WDFY3: variants seen among roughly 807,000 people sequenced by gnomAD.
WDFY3 encodes the protein WD repeat and FYVE domain-containing protein 3.
A neutral mutation model predicts 409.6 loss-of-function variants in WDFY3; 66 were observed. That is an observed-to-expected ratio of 0.16 (90% CI 0.13 to 0.20). The LOEUF (loss-of-function observed/expected upper bound fraction) is 0.20, where lower values mean the gene tolerates loss of function less well. WDFY3 is among the 10% of genes least tolerant of loss of function. The probability of loss-of-function intolerance (pLI) is 1.00; values close to 1 mark genes in which losing one functional copy is unlikely to be tolerated. For synonymous variants in WDFY3, 1,521 were observed against 1,537.1 expected, an observed-to-expected ratio of 0.99 and a Z score of 0.25; for missense variants, 3,031 against 4,298.1, an observed-to-expected ratio of 0.71 and a Z score of 8.24.
intron 25 of WDFY3, among the ~76,000 whole-genome samples, chr4:84,780,590 C>A (rs1019723854): frequency 1.3e-5 from 2 of 151,760 alleles, no homozygotes; most frequent in Admixed American, 6.6e-5. Flanking sequence ...AACCCCAAAC[C>A]CCGTCTCTAC....
rs1275853126 is a variant in WDFY3, at chr4:84,672,835, C to T, written c.*33G>A. On this transcript the variant is annotated 3_prime_UTR_variant, in exon 68 of 68. Coordinates refer to ENST00000295888, the MANE Select transcript of WDFY3 (RefSeq NM_014991.6). ...GACAGGAGAATCGGGAAGGGGTCTACAGACCATGGTCTCCACTCAGCTTGT... is the reference window on the plus strand; with the variant it reads ...GACAGGAGAATCGGGAAGGGGTCTATAGACCATGGTCTCCACTCAGCTTGT... The T allele has an allele frequency of 2.5e-6, 4 of 1,613,132 alleles. No individual in the cohort carries two copies. Among genetic ancestry groups the T allele is most frequent in the Middle Eastern group, 1.7e-4 (1 of 6,048 alleles).
Position 84,810,170 on chromosome 4 carries a change from C to T in WDFY3, c.2062G>A (p.Val688Met). ...QNQVFELLHT[V>M]FCTLTAAMRY... ...ATTGCTGCAGTCAACGTGCAGAACA[C>T]AGTGTGAAGAAGTTCAAACACTTGA... The change falls in exon 14 of 68, where the codon GTG (valine) becomes ATG (methionine). Residue 688 changes from valine to methionine, a missense_variant. Transcript: ENST00000295888. 6.2e-7 allele frequency: 1 copy of T among 1,614,136 alleles called. No individual in the cohort carries two copies. Among genetic ancestry groups the T allele is most frequent in the Non-Finnish European group, 8.5e-7 (1 of 1,179,988 alleles).
At chr4:84,779,537 G>C (rs1746150978) in intron 26 of WDFY3, among the ~76,000 whole-genome samples, 1 of 151,800 alleles carries the variant, frequency 6.6e-6, no homozygotes, top group Non-Finnish European at 1.5e-5. Flanking sequence ...CTCAGCCTCT[G>C]AAGTAGCTGG....
intron 47 of WDFY3, among the ~76,000 whole-genome samples, chr4:84,720,195 A>G (rs554986432): frequency 4.6e-5 from 7 of 152,318 alleles, no homozygotes; most frequent in African/African-American, 1.7e-4. Flanking sequence ...ACGAGAAAGA[A>G]AGATACTGGA....
At chr4:84,820,582 T>C (rs1461073855) in intron 11 of WDFY3, among the ~76,000 whole-genome samples, 1 of 152,090 alleles carries the variant, frequency 6.6e-6, no homozygotes, top group African/African-American at 2.4e-5. Context: ...CATTTAATAC[T>C]TATTAATTGC....
At chr4:84,716,820 A>AAAAAT (rs1012487182) in intron 49 of WDFY3, 76 bp downstream of exon 49, 2 of 1,240,662 alleles carry the variant, frequency 1.6e-6, no homozygotes, top group South Asian at 5.2e-5. Flanking sequence ...ATAAAAAATA[A>AAAAAT]AAAATAAAAT....
chr4:84,813,199 T>G lies in WDFY3; in HGVS notation c.1888-2855A>C, dbSNP rs193177027. ...GGAGGCACTAAGAAGCAATTCTGAA[T>G]GAAGTAAAAATGGAAATTGAAACTG... On this transcript the variant is annotated intron_variant, in intron 13 of 67. Coordinates refer to ENST00000295888, the MANE Select transcript of WDFY3 (RefSeq NM_014991.6). Among the ~76,000 whole-genome samples the G allele has an allele frequency of 2.8e-3, 432 of 152,262 alleles. 2 individuals are homozygous for G. The highest frequency in any genetic ancestry group is 9.9e-3 in the African/African-American group (412 of 41,548).
intron 1 of WDFY3, among the ~76,000 whole-genome samples, chr4:84,963,011 C>T (rs1465987521): frequency 6.6e-6 from 1 of 151,590 alleles, no homozygotes; most frequent in Non-Finnish European, 1.5e-5. Context: ...ATGATAAATA[C>T]ACCACACACA....
At chr4:84,795,682 A>G (rs1236267703) in intron 19 of WDFY3, among the ~76,000 whole-genome samples, 1 of 152,126 alleles carries the variant, frequency 6.6e-6, no homozygotes, top group Non-Finnish European at 1.5e-5. Context: ...GAAATGCTTG[A>G]ACCTGAGAGG....
chr4:84,866,713 T>C (rs1347392964), intron 3 of WDFY3, among the ~76,000 whole-genome samples: 1 of 152,170 alleles, frequency 6.6e-6, no homozygotes, highest in African/African-American at 2.4e-5. Context: ...TTGGGCCCAC[T>C]CCCACCCTGT....
intron 46 of WDFY3, among the ~76,000 whole-genome samples, chr4:84,722,673 T>G (rs868363723): frequency 6.6e-6 from 1 of 152,208 alleles, no homozygotes; most frequent in Non-Finnish European, 1.5e-5. Flanking sequence ...ACCCAAAGTA[T>G]GAGAAGTCCT....
chr4:84,912,024 C>T (rs552020897), intron 2 of WDFY3, among the ~76,000 whole-genome samples: 3 of 152,288 alleles, frequency 2.0e-5, no homozygotes, highest in South Asian at 4.1e-4. Context: ...CTGTGCGATG[C>T]TAATTATCTC....
intron 56 of WDFY3, among the ~76,000 whole-genome samples, chr4:84,699,209 G>A (rs998695556): frequency 3.3e-5 from 5 of 151,778 alleles, no homozygotes; most frequent in African/African-American, 1.2e-4. Flanking sequence ...TTAATCAGTA[G>A]CTGCCCGTAT....
intron 2 of WDFY3, among the ~76,000 whole-genome samples, chr4:84,925,186 C>T (rs373060871): frequency 1.3e-5 from 2 of 152,158 alleles, no homozygotes; most frequent in African/African-American, 4.8e-5. Context: ...TAAGCATTTC[C>T]TTTAACCTCT....
Position 84,733,118 on chromosome 4 carries a change from A to G in WDFY3, c.7221+264T>C, listed in dbSNP as rs1736877734. Reference sequence around the variant, plus strand: ...GTTTAATGACCCATAACCCAGCTATAATAGCAAAGTGGCAGAGTCAGGTCT... The same window carrying G: ...GTTTAATGACCCATAACCCAGCTATGATAGCAAAGTGGCAGAGTCAGGTCT... On this transcript the variant is annotated intron_variant, in intron 44 of 67. Transcript: ENST00000295888. Among the ~76,000 whole-genome samples, 3 of 152,200 alleles carry G rather than the reference A, an allele frequency of 2.0e-5. No homozygotes were observed. In the South Asian group the frequency reaches 6.2e-4, roughly 31 times the overall value.
chr4:84,840,653 C>T (rs1271638537), intron 6 of WDFY3, among the ~76,000 whole-genome samples: 5 of 152,084 alleles, frequency 3.3e-5, no homozygotes, highest in Non-Finnish European at 5.9e-5. Context: ...TTATGGCTCA[C>T]TGCAGCCTCA....
At chr4:84,713,679 G>A (rs1463975922) in intron 50 of WDFY3, among the ~76,000 whole-genome samples, 1 of 152,170 alleles carries the variant, frequency 6.6e-6, no homozygotes, top group Admixed American at 6.5e-5. Context: ...TTTCTATAAT[G>A]GAGGGATTGC....
rs745862869 is a variant in WDFY3, at chr4:84,708,957, G to T, written c.8169C>A (p.Leu2723=). Residue 2723 remains leucine (L), a synonymous_variant, in exon 53 of 68, where the codon CTC becomes CTA. Coordinates refer to ENST00000295888, the MANE Select transcript of WDFY3 (RefSeq NM_014991.6). ...TCCAGGGGAAGACAGGATACTGCATGAGATCATTATATGATCTGCCAGCCA... is the reference window on the plus strand; with the variant it reads ...TCCAGGGGAAGACAGGATACTGCATTAGATCATTATATGATCTGCCAGCCA... ...NTLAGRSYND[L]MQYPVFPWIL... The T allele has an allele frequency of 4.8e-5, 77 of 1,613,688 alleles. No homozygotes were observed. The Admixed American group carries it at 1.1e-3, about 23-fold the overall frequency.
rs1269103501 is a variant in WDFY3 at position 84,786,067 on chromosome 4, C to A, written c.3974G>T (p.Gly1325Val). ...AGACGACACAGAGAGTGCATAGAGGCCAAATGACACTTTCTCCTCTGGTAC... is the reference window on the plus strand; with the variant it reads ...AGACGACACAGAGAGTGCATAGAGGACAAATGACACTTTCTCCTCTGGTAC... ...SLVPEEKVSF[G>V]LYALSVSSLT... Residue 1325 changes from glycine to valine, a missense_variant, in exon 24 of 68, where the codon GGC (glycine) becomes GTC (valine). Gly to Val is a moderately radical substitution (Grantham distance 109). Around this residue, in one of 16 missense-constraint regions of WDFY3, gnomAD observed 1,322 missense variants for 1,697.9 expected, o/e 0.78. Coordinates refer to ENST00000295888, the MANE Select transcript of WDFY3 (RefSeq NM_014991.6). 1 of 1,613,728 alleles carries A rather than the reference C, an allele frequency of 6.2e-7. No individual in the cohort carries two copies. Among genetic ancestry groups the A allele is most frequent in the Non-Finnish European group, 8.5e-7 (1 of 1,179,894 alleles).
Sources: gnomAD v4.1 joint callset for allele counts (sites outside exome capture counted in the v4.1 genomes callset) on GRCh38, gnomAD v4.1.1 for gene constraint, gnomAD v4.1.1 regional missense constraint, MANE v1.5 for transcripts, NCBI Gene and HGNC (gene_info 2026-07-23, HGNC 2026-07-21) for gene names.